MACROD2: variants seen among roughly 807,000 people sequenced by gnomAD.
MACROD2 encodes the protein ADP-ribose glycohydrolase MACROD2.
In MACROD2, 36 loss-of-function variants were observed where a neutral mutation model predicts 70.4. The ratio of observed to expected loss-of-function variants is 0.51; its 90% confidence interval spans 0.39 to 0.68. The LOEUF is 0.68. Among genes scored for constraint, MACROD2 ranks in the 30% least tolerant of loss-of-function variants. The probability of loss-of-function intolerance (pLI) is 0.00; values close to 1 mark genes in which losing one functional copy is unlikely to be tolerated. For missense variants in MACROD2, 496 were observed against 538.4 expected (o/e 0.92, Z 0.78); for synonymous variants, 172 against 178.8 (o/e 0.96, Z 0.30).
intron 8 of MACROD2, among the ~76,000 whole-genome samples, chr20:15,859,200 A>G (rs2064391935): frequency 6.6e-6 from 1 of 152,182 alleles, no homozygotes; most frequent in South Asian, 2.1e-4. Flanking sequence ...TTGTCTTCAC[A>G]TTGAGTGGGC....
chr20:14,521,753 C>T (rs2085171067), intron 4 of MACROD2, among the ~76,000 whole-genome samples: 1 of 152,174 alleles, frequency 6.6e-6, no homozygotes, highest in Admixed American at 6.5e-5. Flanking sequence ...GTAGTCAGTA[C>T]AAGCCCTGGT....
intron 15 of MACROD2, among the ~76,000 whole-genome samples, chr20:16,019,263 C>T (rs1392666817): frequency 6.6e-6 from 1 of 152,144 alleles, no homozygotes; most frequent in Non-Finnish European, 1.5e-5. Context: ...TACATATGTA[C>T]ACATTTTTTT....
At chr20:14,868,955 C>T (rs1280410110) in intron 5 of MACROD2, among the ~76,000 whole-genome samples, 1 of 152,082 alleles carries the variant, frequency 6.6e-6, no homozygotes, top group Non-Finnish European at 1.5e-5. Context: ...GCTATGTAAG[C>T]CGGAGGGCAC....
At chr20:15,497,136 T>C (rs2047308278) in intron 7 of MACROD2, among the ~76,000 whole-genome samples, 2 of 152,170 alleles carry the variant, frequency 1.3e-5, no homozygotes, top group Middle Eastern at 3.4e-3. Context: ...ATGACATTTG[T>C]TTTAGGTAGG....
intron 6 of MACROD2, among the ~76,000 whole-genome samples, chr20:15,248,904 G>A (rs1340178450): frequency 2.0e-5 from 3 of 152,186 alleles, no homozygotes; most frequent in Non-Finnish European, 4.4e-5. Context: ...AATGAGACAA[G>A]TACTTGGTTA....
intron 9 of MACROD2, among the ~76,000 whole-genome samples, chr20:15,885,087 T>C (rs1361851119): frequency 6.6e-6 from 1 of 152,060 alleles, no homozygotes; most frequent in Non-Finnish European, 1.5e-5. Context: ...ATTCAGAACA[T>C]AGCACTGGTT....
intron 9 of MACROD2, among the ~76,000 whole-genome samples, chr20:15,879,887 C>T (rs545401158): frequency 6.6e-6 from 1 of 152,154 alleles, no homozygotes; most frequent in East Asian, 1.9e-4. Flanking sequence ...TGAATGCTGG[C>T]AGGCTTCAGA....
chr20:15,247,896 C>T (rs935788770), intron 6 of MACROD2, among the ~76,000 whole-genome samples: 1 of 152,124 alleles, frequency 6.6e-6, no homozygotes, highest in Non-Finnish European at 1.5e-5. Flanking sequence ...CGGGGTTTCA[C>T]CCTGTTGGCC....
At chr20:15,418,012 C>T (rs2046178697) in intron 6 of MACROD2, among the ~76,000 whole-genome samples, 2 of 152,190 alleles carry the variant, frequency 1.3e-5, no homozygotes, top group Admixed American at 1.3e-4. Context: ...TTCCCTTGAC[C>T]TCACTGACTC....
chr20:14,839,686 G>C (rs899999424), intron 5 of MACROD2, among the ~76,000 whole-genome samples: 4 of 152,128 alleles, frequency 2.6e-5, no homozygotes, highest in Admixed American at 2.0e-4. Context: ...ACATTGATCA[G>C]ATGGCCAGTA....
chr20:15,731,777 C>T (rs2050946917), intron 8 of MACROD2, among the ~76,000 whole-genome samples: 1 of 48,654 alleles, frequency 2.1e-5, no homozygotes, highest in East Asian at 2.9e-4. Flanking sequence ...TTTTTTGAGA[C>T]GGAGTTTCAC....
At chr20:14,386,612 C>A (rs914255839) in intron 3 of MACROD2, among the ~76,000 whole-genome samples, 3 of 152,112 alleles carry the variant, frequency 2.0e-5, no homozygotes, top group African/African-American at 4.8e-5. Flanking sequence ...CTCTCTCTCT[C>A]TTGCTCGCTT....
chr20:15,096,782 G>T (rs1440333323), intron 5 of MACROD2, among the ~76,000 whole-genome samples: 3 of 148,542 alleles, frequency 2.0e-5, no homozygotes, highest in Non-Finnish European at 4.4e-5. Flanking sequence ...AAAGTGCTGG[G>T]ATTATAGGCG....
At chr20:14,245,584 C>T (rs1259894026) in intron 3 of MACROD2, among the ~76,000 whole-genome samples, 1 of 152,130 alleles carries the variant, frequency 6.6e-6, no homozygotes, top group Non-Finnish European at 1.5e-5. Context: ...TATGTTACTT[C>T]ATCCACAAGT....
chr20:15,531,098 C>G (rs995900786), intron 8 of MACROD2, among the ~76,000 whole-genome samples: 1 of 150,116 alleles, frequency 6.7e-6, no homozygotes, highest in African/African-American at 2.5e-5. Flanking sequence ...AGTGCTGCTG[C>G]CATTTATTCA....
rs1030159120 is a variant in MACROD2 at position 15,102,731 on chromosome 20, C to T, written c.419-127209C>T. Among the ~76,000 whole-genome samples, 3 of 41,466 alleles carry T rather than the reference C, an allele frequency of 7.2e-5. No homozygotes were observed. In the Admixed American group the frequency reaches 8.2e-4, roughly 11 times the overall value. 27.2% of individuals were successfully genotyped at this position (41,466 alleles called of 152,430 possible). A position where few individuals can be genotyped will look rare whatever the true frequency, so the allele number is the denominator to read the frequency against. ...AGAAAAGCACTATTGTAGATAAACTCCCACGTGTGAAAATTGAGATATTTT... is the reference window on the plus strand; with the variant it reads ...AGAAAAGCACTATTGTAGATAAACTTCCACGTGTGAAAATTGAGATATTTT... On this transcript the variant is annotated intron_variant, in intron 5 of 17. Coordinates refer to ENST00000684519, the MANE Select transcript of MACROD2 (RefSeq NM_001351661.2).
chr20:14,105,178 A>G (rs1325645880), intron 3 of MACROD2, among the ~76,000 whole-genome samples: 1 of 152,214 alleles, frequency 6.6e-6, no homozygotes, highest in Non-Finnish European at 1.5e-5. Flanking sequence ...AAGCACCATC[A>G]CAAGAACCAA....
At chr20:13,996,755 C>A (rs2052663944) in intron 1 of MACROD2, among the ~76,000 whole-genome samples, 1 of 152,158 alleles carries the variant, frequency 6.6e-6, no homozygotes, top group Non-Finnish European at 1.5e-5. Context: ...CCTTTTCATT[C>A]TTTAGCTATT....
chr20:14,961,242 T>C (rs1289161425), intron 5 of MACROD2, among the ~76,000 whole-genome samples: 2 of 152,164 alleles, frequency 1.3e-5, no homozygotes, highest in African/African-American at 4.8e-5. Flanking sequence ...TAGTTATTAA[T>C]AGAAATACTG....
Sources: gnomAD v4.1 joint callset for allele counts (sites outside exome capture counted in the v4.1 genomes callset) on GRCh38, gnomAD v4.1.1 for gene constraint, MANE v1.5 for transcripts, NCBI Gene and HGNC (gene_info 2026-07-23, HGNC 2026-07-21) for gene names.